Variants in PLA2G4E observed in about 807,000 individuals in gnomAD.
PLA2G4E encodes phospholipase A2 group IVE.
PLA2G4E carries 84 observed loss-of-function variants against 109.1 expected under a neutral mutation model. That is an observed-to-expected ratio of 0.77 (90% CI 0.65 to 0.92). The LOEUF is 0.92. Ranked by LOEUF, PLA2G4E falls within the 40% of genes least tolerant of loss-of-function variation. The pLI is 0.00. For missense variants in PLA2G4E, 1,057 were observed against 1,076.6 expected (o/e 0.98, Z 0.25); for synonymous variants, 469 against 436.1 (o/e 1.08, Z -0.94).
chr15:42,029,205 C>T lies in PLA2G4E; in HGVS notation c.184-15448G>A, dbSNP rs542404158. On this transcript the variant is annotated intron_variant, in intron 1 of 19. Coordinates refer to ENST00000399518, the Ensembl canonical transcript of PLA2G4E. ...TTCCCAAGCTCAAGCGTGATTCTCC[C>T]ATGTTAGCCTCCCGAGTAACTGGGA... is the stretch of plus-strand genomic sequence containing the variant. Among the ~76,000 whole-genome samples the T allele has an allele frequency of 3.3e-5, 5 of 152,262 alleles. No individual in the cohort carries two copies. In the South Asian group the frequency reaches 1.0e-3, roughly 32 times the overall value.
At chr15:41,989,624 TGCCTGCAGCCACTGGCTCAG>T (rs2068209563) in intron 14 of PLA2G4E, 72 bp from the exon 15 acceptor site, 9 of 1,536,156 alleles carry the variant, frequency 5.9e-6, no homozygotes, top group Non-Finnish European at 7.9e-6. Flanking sequence ...GCCCCCCTCC[TGCCTGCAGCCACTGGCTCAG>T]GCCTTGGAAA....
rs555311309 is a variant in PLA2G4E, at chr15:42,010,181, C to T, written c.257-2316G>A. 8.7e-5 allele frequency: 46 copies of T among 527,428 alleles called. No individual in the cohort carries two copies. The East Asian group carries it at 1.4e-3, about 16-fold the overall frequency. The allele number at this position is 527,428 out of a possible 1,614,324, so 32.7% of individuals were successfully genotyped here. A position where few individuals can be genotyped will look rare whatever the true frequency, so the allele number is the denominator to read the frequency against. ...ACACCCTTCAGGTCTGTCTCCGGTA[C>T]GCTGGGAGCCTGCAGGCAGGGTGCC... On this transcript the variant is annotated intron_variant, in intron 2 of 19. Coordinates refer to ENST00000399518, the Ensembl canonical transcript of PLA2G4E.
intron 2 of PLA2G4E, chr15:42,009,966 G>T (rs1039922374): frequency 2.1e-5 from 6 of 282,460 alleles, no homozygotes; most frequent in Non-Finnish European, 4.3e-5. Flanking sequence ...AACAACAGGT[G>T]GACTCATCTG....
intron 18 of PLA2G4E, 141 bp downstream of exon 18, chr15:41,985,698 G>T: frequency 3.7e-6 from 4 of 1,083,094 alleles, no homozygotes; most frequent in Non-Finnish European, 5.3e-6. Context: ...CATCATGACT[G>T]CTGCTTGGCT....
chr15:42,006,087 G>C (rs1264896399), exon 4 of PLA2G4E: 2 of 1,613,946 alleles, frequency 1.2e-6, no homozygotes, highest in Admixed American at 1.7e-5. Flanking sequence ...TGGTGTCACT[G>C]TGTCTTCATC....
chr15:42,002,663 G>A (rs140988671), exon 6 of PLA2G4E: 193 of 1,585,334 alleles, frequency 1.2e-4, no homozygotes, highest in Admixed American at 7.3e-4. Context: ...CCACCAGCAC[G>A]CCATTGGTGA....
intron 9 of PLA2G4E, 96 bp downstream of exon 9, chr15:41,999,821 A>G: frequency 7.4e-7 from 1 of 1,350,894 alleles, no homozygotes; most frequent in Non-Finnish European, 1.0e-6. Context: ...CACGAGTCAC[A>G]TTCTCTCTTG....
In PLA2G4E at chr15:41,995,618, G is replaced by A. The variant is rs968973833; in HGVS notation, c.1111-122C>T. 1.2e-5 allele frequency: 16 copies of A among 1,337,830 alleles called. No homozygotes were observed. In the African/African-American group the frequency reaches 1.4e-4, roughly 12 times the overall value. 82.9% of individuals were successfully genotyped at this position (1,337,830 alleles called of 1,614,324 possible). A position where few individuals can be genotyped will look rare whatever the true frequency, so the allele number is the denominator to read the frequency against. ...AGGCAGAGCTGGCTACAGAGGGCAG[G>A]GAGTGCGGCGTTGAGCCACCTGACA... On this transcript the variant is annotated intron_variant, in intron 11 of 19. Coordinates refer to ENST00000399518, the Ensembl canonical transcript of PLA2G4E.
chr15:42,015,010 G>A (rs532217500), intron 1 of PLA2G4E, among the ~76,000 whole-genome samples: 120 of 152,138 alleles, frequency 7.9e-4, no homozygotes, highest in African/African-American at 2.7e-3. Context: ...TCCTCCTTCC[G>A]TCCTGCCCCT....
exon 20 of PLA2G4E, chr15:41,982,834 T>A (rs1188927687): frequency 1.3e-5 from 2 of 152,246 alleles, no homozygotes; most frequent in Non-Finnish European, 2.9e-5. Flanking sequence ...GAGCTCTGGG[T>A]AGCTGGAGAG....
intron 2 of PLA2G4E, chr15:42,010,131 G>GCCCCCCCCCC (rs758613773): frequency 2.3e-6 from 1 of 440,596 alleles, no homozygotes; most frequent in African/African-American, 3.0e-5. Context: ...CCAGAACACT[G>GCCCCCCCCCC]GCCCCCCCAC....
chr15:42,039,756 A>C (rs1470577413), intron 1 of PLA2G4E, among the ~76,000 whole-genome samples: 1 of 152,168 alleles, frequency 6.6e-6, no homozygotes, highest in Non-Finnish European at 1.5e-5. Flanking sequence ...ATTCACAGAC[A>C]CTATGTAGAA....
At chr15:41,992,923 G>A (rs1021656043) in exon 13 of PLA2G4E, 3 of 1,613,592 alleles carry the variant, frequency 1.9e-6, no homozygotes, top group African/African-American at 1.3e-5. Flanking sequence ...AGTTTTTGGA[G>A]GACCAGTCAG....
At chr15:42,043,393 A>G (rs1003352732) in intron 1 of PLA2G4E, among the ~76,000 whole-genome samples, 1 of 151,870 alleles carries the variant, frequency 6.6e-6, no homozygotes, top group Admixed American at 6.6e-5. Flanking sequence ...CCCGTAGGTC[A>G]GGACCTGTGG....
At chr15:42,004,007 T>C (rs2068447810) in intron 5 of PLA2G4E, among the ~76,000 whole-genome samples, 1 of 152,160 alleles carries the variant, frequency 6.6e-6, no homozygotes, top group Non-Finnish European at 1.5e-5. Flanking sequence ...CCTGGATCGT[T>C]TTCCTAATTG....
At chr15:41,990,745 T>TTC (rs1491438283) in intron 13 of PLA2G4E, among the ~76,000 whole-genome samples, 1,287 of 13,752 alleles carry the variant, frequency 0.094, 49 homozygotes, top group East Asian at 0.2. Context: ...TCTTCCCTTC[T>TTC]TTTTTTTTTT....
chr15:42,008,788 C>T (rs1033561173), intron 2 of PLA2G4E, among the ~76,000 whole-genome samples: 3 of 152,178 alleles, frequency 2.0e-5, no homozygotes, highest in South Asian at 2.1e-4. Flanking sequence ...AGGGTACACA[C>T]CAGATACATA....
chr15:42,000,072 C>T, intron 8 of PLA2G4E, 32 bp downstream of exon 8: 3 of 1,575,046 alleles, frequency 1.9e-6, no homozygotes, highest in South Asian at 1.2e-5. Context: ...TCCCAGTCCC[C>T]CACACCTCCC....
intron 3 of PLA2G4E, among the ~76,000 whole-genome samples, chr15:42,006,496 G>T (rs1297605006): frequency 6.6e-6 from 1 of 152,160 alleles, no homozygotes; most frequent in Non-Finnish European, 1.5e-5. Context: ...TCAGCACTGG[G>T]CCCCTGGGCA....
Sources: allele counts gnomAD v4.1 joint callset (sites outside exome capture counted in the v4.1 genomes callset), GRCh38; gene constraint gnomAD v4.1.1; transcripts MANE v1.5; gene names NCBI Gene and HGNC (gene_info 2026-07-23, HGNC 2026-07-21).